The following CCDC25 variants were observed in gnomAD, a reference collection of about 807,000 sequenced individuals.
The protein encoded by CCDC25 is coiled-coil domain-containing protein 25.
Under a neutral mutation model 35.3 loss-of-function variants are expected in CCDC25, and 16 were observed. The observed-to-expected ratio is 0.45, with a 90% CI of 0.31 to 0.69. CCDC25 has a LOEUF of 0.69. Ranked by LOEUF, CCDC25 falls within the 30% of genes least tolerant of loss-of-function variation. CCDC25 has a pLI of 0.06. For synonymous variants in CCDC25, 79 were observed against 80.3 expected (o/e 0.98, Z 0.09); for missense variants, 179 against 250.7 (o/e 0.71, Z 1.93).
rs1803170336 is a variant in CCDC25 at position 27,735,017 on chromosome 8, AAT to A, written c.*1197_*1198del. On this transcript the variant is annotated 3_prime_UTR_variant, in exon 9 of 9. Transcript: ENST00000356537. The stretch of plus-strand genomic sequence containing the variant: ...TTGTGGAATGGGGGCTACCCTTTTT[AAT>A]AGCAAATTCTAAGAATTCATATATC... 6.6e-6 allele frequency: 1 copy of A among 152,296 alleles called. No homozygotes were observed. The highest frequency in any genetic ancestry group is 2.1e-4 in the South Asian group (1 of 4,830). 9.4% of individuals were successfully genotyped at this position (152,296 alleles called of 1,614,324 possible). A position where few individuals can be genotyped will look rare whatever the true frequency, so the allele number is the denominator to read the frequency against.
intron 7 of CCDC25, among the ~76,000 whole-genome samples, chr8:27,747,315 G>A (rs1803638612): frequency 6.6e-6 from 1 of 152,188 alleles, no homozygotes; most frequent in Non-Finnish European, 1.5e-5. Flanking sequence ...ACAGGGGGCT[G>A]TGACCATGGA....
rs1804123446 is a variant in CCDC25, at chr8:27,759,156, A to C, written c.117-2386T>G. Among the ~76,000 whole-genome samples the C allele has an allele frequency of 2.0e-5, 3 of 152,212 alleles. No homozygotes were observed. The South Asian group carries it at 6.2e-4, about 32-fold the overall frequency. ...TTACCCTTTCCTGAATGCAGAGACC[A>C]GAAGCTTCACTAAATAAGCATCAAC... On this transcript the variant is annotated intron_variant, in intron 3 of 8. Coordinates refer to ENST00000356537, the MANE Select transcript of CCDC25 (RefSeq NM_018246.3).
At chr8:27,738,603 T>TGG (rs1183008426) in intron 8 of CCDC25, among the ~76,000 whole-genome samples, 1 of 48,442 alleles carries the variant, frequency 2.1e-5, no homozygotes, top group East Asian at 1.4e-3. Context: ...GGTAGGTAGG[T>TGG]GTGTGTGTGT....
intron 3 of CCDC25, among the ~76,000 whole-genome samples, chr8:27,759,523 C>T (rs1489419486): frequency 6.7e-6 from 1 of 150,156 alleles, no homozygotes; most frequent in Non-Finnish European, 1.5e-5. Context: ...GCAGCAGAAC[C>T]ACTTGAACCC....
chr8:27,733,382 TG>T lies in CCDC25; in HGVS notation c.*2833del, dbSNP rs764254154. 3.3e-5 allele frequency: 5 copies of T among 152,256 alleles called. No homozygotes were observed. Among genetic ancestry groups the T allele is most frequent in the Non-Finnish European group, 7.3e-5 (5 of 68,044 alleles). The allele number at this position is 152,256 out of a possible 1,614,324, so 9.4% of individuals were successfully genotyped here. A position where few individuals can be genotyped will look rare whatever the true frequency, so the allele number is the denominator to read the frequency against. ...TCATTCATTCAGGACATGCTGCATC[TG>T]GGGTTGGCATCATTTCCCTTTTGAA... On this transcript the variant is annotated 3_prime_UTR_variant, in exon 9 of 9. Coordinates refer to ENST00000356537, the MANE Select transcript of CCDC25 (RefSeq NM_018246.3).
In CCDC25 at chr8:27,735,844, A is replaced by G. The variant is rs1803204330; in HGVS notation, c.*372T>C. ...AAGTGAAGATTATTTTAAGAATATG[A>G]AAAGTGTTTCAAGACATCTGTTTTC... On this transcript the variant is annotated 3_prime_UTR_variant, in exon 9 of 9. Transcript: ENST00000356537. The G allele has an allele frequency of 5.9e-6, 1 of 169,922 alleles. No homozygotes were observed. Among genetic ancestry groups the G allele is most frequent in the Non-Finnish European group, 1.2e-5 (1 of 80,240 alleles). 10.5% of individuals were successfully genotyped at this position (169,922 alleles called of 1,614,324 possible). A position where few individuals can be genotyped will look rare whatever the true frequency, so the allele number is the denominator to read the frequency against.
At chr8:27,746,659 C>T (rs1803613630) in intron 7 of CCDC25, among the ~76,000 whole-genome samples, 1 of 152,158 alleles carries the variant, frequency 6.6e-6, no homozygotes, top group Admixed American at 6.5e-5. Context: ...CCGTTTCTTT[C>T]ACTTCAAACA....
At chr8:27,748,019 T>A (rs148042574) in intron 7 of CCDC25, 58 bp downstream of exon 7, 1 of 1,533,252 alleles carries the variant, frequency 6.5e-7, no homozygotes, top group African/African-American at 1.4e-5. Context: ...TAATACATGA[T>A]TAAAATCATC....
chr8:27,748,355 G>A (rs1338649982), intron 6 of CCDC25, 76 bp from the exon 7 acceptor site: 1 of 1,420,186 alleles, frequency 7.0e-7, no homozygotes, highest in Non-Finnish European at 9.8e-7. Context: ...GGCTTTCCAG[G>A]GGTTTAGCAA....
rs1804670972 is a variant in CCDC25 at position 27,772,599 on chromosome 8, T to G, written c.-59A>C. 1.3e-6 allele frequency: 2 copies of G among 1,521,700 alleles called. No homozygotes were observed. Among genetic ancestry groups the G allele is most frequent in the Non-Finnish European group, 1.8e-6 (2 of 1,123,918 alleles). The allele number at this position is 1,521,700 out of a possible 1,614,324, so 94.3% of individuals were successfully genotyped here. ...AGCAGCAGCGCTCAACTCACGAAGC[T>G]CAGGATACCAGACTCGCGGCGGCCG... On this transcript the variant is annotated 5_prime_UTR_variant, in exon 1 of 9. Transcript: ENST00000356537.
At chr8:27,768,273 T>C (rs932875309) in intron 1 of CCDC25, among the ~76,000 whole-genome samples, 1 of 151,700 alleles carries the variant, frequency 6.6e-6, no homozygotes, top group Non-Finnish European at 1.5e-5. Flanking sequence ...TATGTCATAA[T>C]AGAAAATTAG....
Position 27,772,600 on chromosome 8 carries a change from C to T in CCDC25, c.-60G>A, listed in dbSNP as rs17057820. ...GCAGCAGCGCTCAACTCACGAAGCT[C>T]AGGATACCAGACTCGCGGCGGCCGC... is the stretch of plus-strand genomic sequence containing the variant. On this transcript the variant is annotated 5_prime_UTR_variant, in exon 1 of 9. Transcript: ENST00000356537. 16,008 of 1,515,152 alleles carry T rather than the reference C, an allele frequency of 0.011. 127 individuals are homozygous for T. The highest frequency in any genetic ancestry group is 0.039 in the African/African-American group (2,802 of 72,438). 93.9% of individuals were successfully genotyped at this position (1,515,152 alleles called of 1,614,324 possible).
chr8:27,736,243 A>C lies in CCDC25; in HGVS notation c.600T>G (p.Asp200Glu). The C allele has an allele frequency of 6.2e-7, 1 of 1,604,868 alleles. No individual in the cohort carries two copies. Among genetic ancestry groups the C allele is most frequent in the Non-Finnish European group, 8.5e-7 (1 of 1,176,052 alleles). Residue 200 changes from aspartate to glutamate, a missense_variant and splice_region_variant, in exon 9 of 9, where the codon GAT becomes GAG. Physicochemically the swap from Asp to Glu is conservative, Grantham distance 45 (BLOSUM62 2). Transcript: ENST00000356537. ...ACATGAATTCATCTGAATCATTGCC[A>C]TCCTGTAGGAAACACAAAAATGAGA... is the stretch of plus-strand genomic sequence containing the variant. ...MKVENMSSNQDGNDSDEFM is the reference protein window; with the variant it reads ...MKVENMSSNQEGNDSDEFM
At chr8:27,760,172 T>C (rs928099533) in intron 3 of CCDC25, among the ~76,000 whole-genome samples, 6 of 152,206 alleles carry the variant, frequency 3.9e-5, no homozygotes, top group African/African-American at 1.4e-4. Context: ...ATTTGGGAAG[T>C]ACTAACCTTA....
intron 5 of CCDC25, among the ~76,000 whole-genome samples, chr8:27,749,231 G>A (rs542799112): frequency 3.9e-5 from 6 of 152,218 alleles, no homozygotes; most frequent in South Asian, 2.1e-4. Context: ...CCCCTTCACC[G>A]CCTCCTCCAC....
At chr8:27,762,662 A>G (rs1219186436) in intron 2 of CCDC25, among the ~76,000 whole-genome samples, 1 of 152,120 alleles carries the variant, frequency 6.6e-6, no homozygotes, top group Non-Finnish European at 1.5e-5. Context: ...TATAATTTTT[A>G]TAAATTTATA....
chr8:27,742,882 C>CA (rs532244471), intron 7 of CCDC25, among the ~76,000 whole-genome samples: 75 of 152,138 alleles, frequency 4.9e-4, no homozygotes, highest in African/African-American at 1.7e-3. Flanking sequence ...CAAAACAAAA[C>CA]AAAAAAACAA....
At position 27,772,558 on chromosome 8, in the gene CCDC25, G is replaced by A. The variant is rs773320090; in HGVS notation, c.-18C>T. 171 of 1,548,794 alleles carry A rather than the reference G, an allele frequency of 1.1e-4. No homozygotes were observed. Among genetic ancestry groups the A allele is most frequent in the Non-Finnish European group, 1.4e-4 (158 of 1,146,416 alleles). ...AACACCATGATCCCGGGAGCGGTGC[G>A]GTGACTCCACCGCGGAGCAGCAGCG... On this transcript the variant is annotated 5_prime_UTR_variant, in exon 1 of 9. Transcript: ENST00000356537.
chr8:27,745,682 C>T (rs1429471538), intron 7 of CCDC25, among the ~76,000 whole-genome samples: 1 of 152,206 alleles, frequency 6.6e-6, no homozygotes, highest in East Asian at 1.9e-4. Context: ...ACACAGCAAA[C>T]GGCAGCTCTG....
Sources: gnomAD v4.1 joint callset for allele counts (sites outside exome capture counted in the v4.1 genomes callset) on GRCh38, gnomAD v4.1.1 for gene constraint, MANE v1.5 for transcripts, NCBI Gene and HGNC (gene_info 2026-07-23, HGNC 2026-07-21) for gene names.